Variants in BAIAP2L2 observed in about 807,000 individuals in gnomAD.
The protein encoded by BAIAP2L2 is BAR/IMD domain-containing adapter protein 2-like 2.
BAIAP2L2 carries 65 observed loss-of-function variants against 60.4 expected under a neutral mutation model. The ratio of observed to expected loss-of-function variants is 1.08; its 90% confidence interval spans 0.88 to 1.32. The LOEUF (loss-of-function observed/expected upper bound fraction) is 1.32, where lower values mean the gene tolerates loss of function less well. Ranked by LOEUF, BAIAP2L2 falls within the 40% of genes most tolerant of loss-of-function variation. The pLI is 0.00. For synonymous variants in BAIAP2L2, 344 were observed against 301.7 expected, an observed-to-expected ratio of 1.14 and a Z score of -1.45; for missense variants, 836 against 741.2, an observed-to-expected ratio of 1.13 and a Z score of -1.48.
At chr22:38,086,493 G>C (rs1192275636) in intron 11 of BAIAP2L2, 44 bp from the exon 12 acceptor site, 19 of 1,398,166 alleles carry the variant, frequency 1.4e-5, no homozygotes, top group Non-Finnish European at 1.8e-5. Context: ...GTTGGGGCCT[G>C]TCCAATCCCT....
intron 11 of BAIAP2L2, among the ~76,000 whole-genome samples, chr22:38,086,853 A>G (rs2086091146): frequency 6.6e-6 from 1 of 151,996 alleles, no homozygotes; most frequent in Non-Finnish European, 1.5e-5. Flanking sequence ...AAAAGTAGCC[A>G]GGTGTGGTGG....
chr22:38,096,928 C>CAGGG, intron 7 of BAIAP2L2, 104 bp downstream of exon 7: 1 of 1,298,872 alleles, frequency 7.7e-7, no homozygotes, highest in Non-Finnish European at 1.1e-6. Context: ...GACAGGCAGG[C>CAGGG]AGGGAGGGAA....
intron 7 of BAIAP2L2, among the ~76,000 whole-genome samples, chr22:38,096,717 A>G (rs1214876743): frequency 6.6e-6 from 1 of 152,224 alleles, no homozygotes; most frequent in East Asian, 1.9e-4. Flanking sequence ...ACACCTATCA[A>G]TGAATTTGTG....
intron 4 of BAIAP2L2, among the ~76,000 whole-genome samples, chr22:38,102,967 A>G (rs1157979788): frequency 3.3e-5 from 5 of 151,244 alleles, no homozygotes; most frequent in Non-Finnish European, 1.5e-5. Flanking sequence ...AATGGCGTGA[A>G]CCTGGGAGGC....
In BAIAP2L2 at chr22:38,097,924, C is replaced by G. The variant is rs974726702; in HGVS notation, c.465+139G>C. 4.1e-5 allele frequency: 34 copies of G among 820,472 alleles called. No homozygotes were observed. In the African/African-American group the frequency reaches 4.9e-4, roughly 12 times the overall value. The allele number at this position is 820,472 out of a possible 1,614,324, so 50.8% of individuals were successfully genotyped here. On this transcript the variant is annotated intron_variant, in intron 6 of 13. Coordinates refer to ENST00000381669, the MANE Select transcript of BAIAP2L2 (RefSeq NM_025045.6). Reference sequence around the variant, plus strand: ...ACCCCACCAGGGGCTGGCTGACCTCCCCAGCCACGCTCATCACAGTTGGGC... The same window carrying G: ...ACCCCACCAGGGGCTGGCTGACCTCGCCAGCCACGCTCATCACAGTTGGGC...
intron 6 of BAIAP2L2, 111 bp from the exon 7 acceptor site, chr22:38,097,289 C>T: frequency 7.5e-6 from 9 of 1,194,880 alleles, no homozygotes; most frequent in Non-Finnish European, 7.1e-6. Flanking sequence ...CTGCCCTCTC[C>T]CCAAGCCCAC....
chr22:38,088,711 T>TCGGGGCG, intron 10 of BAIAP2L2, 37 bp downstream of exon 10: 1 of 1,543,480 alleles, frequency 6.5e-7, no homozygotes, highest in Non-Finnish European at 8.7e-7. Context: ...GGCCTTCTTC[T>TCGGGGCG]CAACCCACCC....
At chr22:38,099,533 CAAAAGAAAAAAA>C (rs919751796) in intron 4 of BAIAP2L2, among the ~76,000 whole-genome samples, 8 of 147,874 alleles carry the variant, frequency 5.4e-5, no homozygotes, top group East Asian at 3.9e-4. Flanking sequence ...AACTCTGTCT[CAAAAGAAAAAAA>C]AAAAGAAAAA....
chr22:38,098,149 G>C lies in BAIAP2L2; in HGVS notation c.379C>G (p.Arg127Gly). 1.2e-6 allele frequency: 2 copies of C among 1,614,064 alleles called. No individual in the cohort carries two copies. Among genetic ancestry groups the C allele is most frequent in the Non-Finnish European group, 1.7e-6 (2 of 1,180,020 alleles). Residue 127 changes from arginine (R) to glycine (G), a missense_variant, in exon 6 of 14, where the codon CGC (arginine) becomes GGC (glycine). Coordinates refer to ENST00000381669, the MANE Select transcript of BAIAP2L2 (RefSeq NM_025045.6). The part of the protein sequence containing the change: ...DSRQHYELEY[R>G]HRAANLEKCM... ...TTCTCCAGGTTGGCCGCTCGGTGGCGGTACTCGAGCTCATAGTGCTGGCGG... is the reference window on the plus strand; with the variant it reads ...TTCTCCAGGTTGGCCGCTCGGTGGCCGTACTCGAGCTCATAGTGCTGGCGG...
chr22:38,096,512 G>A (rs1358588227), intron 7 of BAIAP2L2, among the ~76,000 whole-genome samples: 3 of 152,096 alleles, frequency 2.0e-5, no homozygotes, highest in African/African-American at 7.2e-5. Context: ...AAAATTAGCC[G>A]GGCGTGATAG....
At chr22:38,103,437 G>T (rs923623364) in intron 4 of BAIAP2L2, among the ~76,000 whole-genome samples, 1 of 152,158 alleles carries the variant, frequency 6.6e-6, no homozygotes, top group Admixed American at 6.6e-5. Context: ...AATACCACTT[G>T]CACTAAAAAC....
Position 38,095,869 on chromosome 22 carries a change from G to C in BAIAP2L2, c.612+1163C>G, listed in dbSNP as rs1713594312. Among the ~76,000 whole-genome samples, 3 of 152,254 alleles carry C rather than the reference G, an allele frequency of 2.0e-5. No homozygotes were observed. The South Asian group carries it at 6.2e-4, about 32-fold the overall frequency. ...ATTTCTAAATTAATAAAGGGAAAAGGGGAATGTATAGTATAATAACTCAAC... is the reference window on the plus strand; with the variant it reads ...ATTTCTAAATTAATAAAGGGAAAAGCGGAATGTATAGTATAATAACTCAAC... On this transcript the variant is annotated intron_variant, in intron 7 of 13. Transcript: ENST00000381669.
In BAIAP2L2 at chr22:38,097,033, C is replaced by G. The variant is rs375940285; in HGVS notation, c.611G>C (p.Arg204Pro). ...LSNTFLQFFG[R>P]ARGMLQNRVL... ...TTGCTGCCCCCCAGTCCAACTCACC[C>G]GGCCGAAGAACTGCAGGAAGGTGTT... Residue 204 changes from arginine to proline, a missense_variant and splice_region_variant, in exon 7 of 14, where the codon CGG (arginine) becomes CCG (proline). Coordinates refer to ENST00000381669, the MANE Select transcript of BAIAP2L2 (RefSeq NM_025045.6). 3.1e-6 allele frequency: 5 copies of G among 1,610,402 alleles called. No individual in the cohort carries two copies. Among genetic ancestry groups the G allele is most frequent in the African/African-American group, 1.3e-5 (1 of 74,898 alleles).
intron 4 of BAIAP2L2, among the ~76,000 whole-genome samples, chr22:38,102,589 C>T (rs561072918): frequency 6.6e-6 from 1 of 152,056 alleles, no homozygotes; most frequent in African/African-American, 2.4e-5. Context: ...CCAAAACACA[C>T]CAGAAAGGCC....
chr22:38,107,341 G>A (rs577219620), intron 4 of BAIAP2L2, among the ~76,000 whole-genome samples: 1 of 152,150 alleles, frequency 6.6e-6, no homozygotes, highest in Non-Finnish European at 1.5e-5. Flanking sequence ...CCCGCAGCGG[G>A]GACACCAGCA....
intron 7 of BAIAP2L2, among the ~76,000 whole-genome samples, chr22:38,096,807 AAAAC>A (rs2086440010): frequency 1.3e-5 from 2 of 152,274 alleles, no homozygotes; most frequent in Admixed American, 6.5e-5. Context: ...GAATGCATTA[AAAAC>A]AAACAATATC....
chr22:38,110,777 GTGACC>G, upstream of BAIAP2L2: 1 of 519,072 alleles, frequency 1.9e-6, no homozygotes, highest in East Asian at 3.4e-5. Flanking sequence ...GCAGGCTCGT[GTGACC>G]TGCCCTTCAA....
chr22:38,102,202 C>T (rs946351214), intron 4 of BAIAP2L2, among the ~76,000 whole-genome samples: 1 of 152,072 alleles, frequency 6.6e-6, no homozygotes, highest in Non-Finnish European at 1.5e-5. Flanking sequence ...CTGGAGTAGT[C>T]GAGCCTCTAG....
chr22:38,103,169 T>C (rs760036090), intron 4 of BAIAP2L2, among the ~76,000 whole-genome samples: 7 of 152,046 alleles, frequency 4.6e-5, no homozygotes, highest in Non-Finnish European at 8.8e-5. Flanking sequence ...TGAGCTATGA[T>C]TGTACCACTG....
Sources: gnomAD v4.1 joint callset for allele counts (sites outside exome capture counted in the v4.1 genomes callset) on GRCh38, gnomAD v4.1.1 for gene constraint, MANE v1.5 for transcripts, NCBI Gene and HGNC (gene_info 2026-07-23, HGNC 2026-07-21) for gene names.